The following GRPR variants were observed in gnomAD, a reference collection of about 807,000 sequenced individuals.
The protein encoded by GRPR is gastrin releasing peptide receptor.
GRPR carries 4 observed loss-of-function variants against 15.6 expected under a neutral mutation model. That is an observed-to-expected ratio of 0.26 (90% confidence interval 0.13 to 0.59). The LOEUF (loss-of-function observed/expected upper bound fraction) is 0.59, where lower values mean the gene tolerates loss of function less well. GRPR is among the 20% of genes least tolerant of loss of function. GRPR has a pLI of 0.90. For missense variants in GRPR, 270 were observed against 304.1 expected (o/e 0.89, Z 0.83); for synonymous variants, 128 against 126.8 (o/e 1.01, Z -0.06).
rs894908212 is a variant in GRPR, at chrX:16,150,214, G to A, written c.414-91G>A. The A allele has an allele frequency of 7.9e-6, 5 of 635,444 alleles. No homozygotes were observed. The African/African-American group carries it at 8.7e-5, about 11-fold the overall frequency. 52.4% of individuals were successfully genotyped at this position (635,444 alleles called of 1,213,427 possible). On this transcript the variant is annotated intron_variant, in intron 1 of 2. Coordinates refer to ENST00000380289, the MANE Select transcript of GRPR (RefSeq NM_005314.3). The stretch of plus-strand genomic sequence containing the variant: ...GTGAGCACCTCCTTAAATATTGTAC[G>A]CCAGGTGTCTCGCTTGCCTCAACTT...
chrX:16,130,813 A>G (rs1299965312), intron 1 of GRPR, among the ~76,000 whole-genome samples: 1 of 112,369 alleles, frequency 8.9e-6, no homozygotes, highest in Non-Finnish European at 1.9e-5. Context: ...ACTTCTGTAT[A>G]GTTTGATTTT....
chrX:16,126,323 A>G (rs1922291058), intron 1 of GRPR, among the ~76,000 whole-genome samples: 1 of 112,234 alleles, frequency 8.9e-6, no homozygotes, highest in African/African-American at 3.2e-5. Context: ...TAGAAAGAAT[A>G]GGTATTGAGC....
In GRPR at chrX:16,140,919, GT is replaced by G. The variant is rs755367548; in HGVS notation, c.414-9379del. 3.4e-3 allele frequency among the ~76,000 whole-genome samples: 376 copies of G among 111,607 alleles called. 2 individuals carry two copies. Among genetic ancestry groups the G allele is most frequent in the African/African-American group, 0.012 (361 of 30,759 alleles). On this transcript the variant is annotated intron_variant, in intron 1 of 2. Coordinates refer to ENST00000380289, the MANE Select transcript of GRPR (RefSeq NM_005314.3). ...TAATTTTTCTTTGTCTTCGTGATTT[GT>G]TTTTTTCCCCCGTTCTCTGTGTATC...
intron 1 of GRPR, 51 bp downstream of exon 1, chrX:16,124,417 G>T (rs1169908003): frequency 2.6e-5 from 28 of 1,057,803 alleles, no homozygotes; most frequent in Non-Finnish European, 3.6e-5. Context: ...AGACGCCTGG[G>T]TAAATGAACT....
At chrX:16,136,466 A>T (rs774943908) in intron 1 of GRPR, among the ~76,000 whole-genome samples, 2 of 111,882 alleles carry the variant, frequency 1.8e-5, no homozygotes, top group South Asian at 7.7e-4. Context: ...ATGCCAAATT[A>T]GTACTTAAAT....
intron 1 of GRPR, among the ~76,000 whole-genome samples, chrX:16,142,880 T>G (rs1360955461): frequency 9.1e-6 from 1 of 110,133 alleles, no homozygotes; most frequent in African/African-American, 3.3e-5. Context: ...AATATAACTT[T>G]TGTTCCTTTC....
chrX:16,132,259 C>G (rs1449658623), intron 1 of GRPR, among the ~76,000 whole-genome samples: 1 of 112,240 alleles, frequency 8.9e-6, no homozygotes, highest in Non-Finnish European at 1.9e-5. Context: ...AACAATGGTT[C>G]CAACCCTAGA....
intron 1 of GRPR, among the ~76,000 whole-genome samples, chrX:16,134,115 A>G (rs995591657): frequency 8.0e-5 from 9 of 111,863 alleles, no homozygotes; most frequent in African/African-American, 2.3e-4. Flanking sequence ...ACTGAGAAGT[A>G]TTTTAAGCAC....
Position 16,152,764 on chromosome X carries a change from T to G in GRPR, c.*119T>G. ...GCCTTCAGAATGCTCCTGAGTGGTG[T>G]AGGTGGGGGTGGGGAGGCCCAAATG... On this transcript the variant is annotated 3_prime_UTR_variant, in exon 3 of 3. Coordinates refer to ENST00000380289, the MANE Select transcript of GRPR (RefSeq NM_005314.3). The G allele has an allele frequency of 1.6e-6, 1 of 608,888 alleles. No individual in the cohort carries two copies. The highest frequency in any genetic ancestry group is 2.4e-5 in the South Asian group (1 of 41,864). 50.2% of individuals were successfully genotyped at this position (608,888 alleles called of 1,213,427 possible).
intron 1 of GRPR, 145 bp from the exon 2 acceptor site, chrX:16,150,160 C>T (rs1922672599): frequency 6.2e-6 from 3 of 485,132 alleles, no homozygotes; most frequent in Admixed American, 2.9e-5. Context: ...GGTCACAGAG[C>T]TCAGAGTCGG....
At chrX:16,129,362 A>G (rs1402328979) in intron 1 of GRPR, among the ~76,000 whole-genome samples, 1 of 112,022 alleles carries the variant, frequency 8.9e-6, no homozygotes, top group Non-Finnish European at 1.9e-5. Context: ...AATGAAATGG[A>G]AAATTTCATT....
chrX:16,150,728 C>T (rs964090517), intron 2 of GRPR, 72 bp downstream of exon 2: 2 of 615,639 alleles, frequency 3.2e-6, no homozygotes, highest in Non-Finnish European at 5.5e-6. Context: ...ACCCCACTGA[C>T]AAGCCATGAC....
chrX:16,131,155 G>T (rs1382031810), intron 1 of GRPR, among the ~76,000 whole-genome samples: 1 of 112,366 alleles, frequency 8.9e-6, no homozygotes, highest in Non-Finnish European at 1.9e-5. Flanking sequence ...AGGGCTCCCT[G>T]CTGAGGATTT....
chrX:16,135,193 A>T (rs1228879243), intron 1 of GRPR, among the ~76,000 whole-genome samples: 1 of 111,978 alleles, frequency 8.9e-6, no homozygotes, highest in Non-Finnish European at 1.9e-5. Context: ...TAGGTACATC[A>T]AAGCCTCTGG....
intron 2 of GRPR, among the ~76,000 whole-genome samples, chrX:16,150,893 G>A (rs1167148738): frequency 2.7e-5 from 3 of 111,925 alleles, no homozygotes; most frequent in Non-Finnish European, 5.6e-5. Context: ...TTTCAAGTGT[G>A]GGTTTCTTTT....
At chrX:16,151,697 A>G (rs1922706616) in intron 2 of GRPR, among the ~76,000 whole-genome samples, 1 of 112,315 alleles carries the variant, frequency 8.9e-6, no homozygotes, top group South Asian at 3.7e-4. Context: ...TCTATAGACT[A>G]TAGTCCAGAG....
chrX:16,128,754 G>A (rs990445231), intron 1 of GRPR, among the ~76,000 whole-genome samples: 21 of 110,153 alleles, frequency 1.9e-4, no homozygotes, highest in Non-Finnish European at 1.1e-4. Flanking sequence ...GGCTGATTGG[G>A]TGGGTTACAT....
intron 1 of GRPR, among the ~76,000 whole-genome samples, chrX:16,127,758 G>A (rs1490023616): frequency 9.0e-6 from 1 of 111,590 alleles, no homozygotes; most frequent in Non-Finnish European, 1.9e-5. Flanking sequence ...GTCGAGCTAG[G>A]CAATGTCTAT....
chrX:16,128,516 A>AAATAAT (rs397896578), intron 1 of GRPR, among the ~76,000 whole-genome samples: 376 of 110,476 alleles, frequency 3.4e-3, no homozygotes, highest in Non-Finnish European at 5.7e-3. Context: ...CTCCATCCCA[A>AAATAAT]AATAATAATA....
Sources: allele counts gnomAD v4.1 joint callset (sites outside exome capture counted in the v4.1 genomes callset), GRCh38; gene constraint gnomAD v4.1.1; transcripts MANE v1.5; gene names NCBI Gene and HGNC (gene_info 2026-07-23, HGNC 2026-07-21).